Variants in CACNA1C observed in about 807,000 individuals in gnomAD.
CACNA1C encodes the protein voltage-dependent L-type calcium channel subunit alpha-1C.
CACNA1C carries 30 observed loss-of-function variants against 229.0 expected under a neutral mutation model. The ratio of observed to expected loss-of-function variants is 0.13; its 90% CI spans 0.10 to 0.18. The LOEUF (loss-of-function observed/expected upper bound fraction) is 0.18, where lower values mean the gene tolerates loss of function less well. Among genes scored for constraint, CACNA1C ranks in the 10% least tolerant of loss-of-function variants. The probability of loss-of-function intolerance (pLI) is 1.00; values close to 1 mark genes in which losing one functional copy is unlikely to be tolerated. For missense variants in CACNA1C, 1,658 were observed against 2,845.0 expected (o/e 0.58, Z 9.49); for synonymous variants, 1,114 against 1,132.5 (o/e 0.98, Z 0.33).
At chr12:2,667,285 C>CCATGGCCACTCCGT (rs1569148808) in intron 37 of CACNA1C, among the ~76,000 whole-genome samples, 4 of 127,430 alleles carry the variant, frequency 3.1e-5, no homozygotes, top group African/African-American at 1.5e-4. Flanking sequence ...GGCCACTCCA[C>CCATGGCCACTCCGT]GCTCCTTTTC....
rs2067955691 is a variant in CACNA1C at position 2,595,903 on chromosome 12, A to G, written c.2693A>G (p.Asn898Ser). 6.2e-7 allele frequency: 1 copy of G among 1,613,634 alleles called. No homozygotes were observed. The highest frequency in any genetic ancestry group is 8.5e-7 in the Non-Finnish European group (1 of 1,179,794). ...RFRLQCHRIV[N>S]DTIFTNLILF... ...CGCCTCCAGTGCCACCGCATTGTCA[A>G]TGACACGATCTTCACCAACCTGATC... Residue 898 changes from asparagine to serine, a missense_variant, in exon 20 of 47, where the codon AAT becomes AGT. Around this residue, in one of 20 missense-constraint regions of CACNA1C, gnomAD observed 52 missense variants for 99.0 expected, o/e 0.53. Transcript: ENST00000399655. The surrounding 1 kb of genome is among the most constrained non-coding windows in gnomAD (Gnocchi z 4.1).
At chr12:2,401,001 C>T (rs1334001892) in intron 3 of CACNA1C, among the ~76,000 whole-genome samples, 1 of 152,194 alleles carries the variant, frequency 6.6e-6, no homozygotes, top group Non-Finnish European at 1.5e-5. Context: ...CCCCTTCTCC[C>T]CACTGCCCTC....
At chr12:2,446,318 G>A (rs776066392) in intron 3 of CACNA1C, among the ~76,000 whole-genome samples, 4 of 148,560 alleles carry the variant, frequency 2.7e-5, no homozygotes, top group Non-Finnish European at 3.0e-5. Flanking sequence ...TGTATAGATG[G>A]GTGGTTGGAT....
chr12:2,249,234 C>G lies in CACNA1C; in HGVS notation c.477+128804C>G, dbSNP rs190484450. On this transcript the variant is annotated intron_variant, in intron 3 of 46. Coordinates refer to ENST00000399655, the MANE Select transcript of CACNA1C (RefSeq NM_000719.7). The stretch of plus-strand genomic sequence containing the variant: ...TGAGTATGAAGTGACGTATACTTCA[C>G]TGGGTCATGGTGAGGGGAAGTATGC... Among the ~76,000 whole-genome samples, 42 of 152,286 alleles carry G rather than the reference C, an allele frequency of 2.8e-4. No homozygotes were observed. The South Asian group carries it at 3.1e-3, about 11-fold the overall frequency.
chr12:2,066,056 T>C (rs1231767640), intron 1 of CACNA1C, among the ~76,000 whole-genome samples: 2 of 151,950 alleles, frequency 1.3e-5, no homozygotes, highest in Admixed American at 1.3e-4. Flanking sequence ...GGCAGCAGGC[T>C]AGAGGATAAG....
At chr12:2,593,837 T>G (rs2066722246) in intron 19 of CACNA1C, among the ~76,000 whole-genome samples, 3 of 152,238 alleles carry the variant, frequency 2.0e-5, no homozygotes, top group African/African-American at 7.2e-5. Context: ...CACCATTTTT[T>G]TACTCATTTC....
In CACNA1C at chr12:2,647,655, G is replaced by A. The variant is rs1469791974; in HGVS notation, c.3913-820G>A. 1.3e-5 allele frequency among the ~76,000 whole-genome samples: 2 copies of A among 152,176 alleles called. No individual in the cohort carries two copies. The highest frequency in any genetic ancestry group is 4.8e-5 in the African/African-American group (2 of 41,446). On this transcript the variant is annotated intron_variant, in intron 30 of 46. Transcript: ENST00000399655. This position sits in a 1 kb window ranked among gnomAD's most constrained non-coding sequence, Gnocchi z 4.2. ...TGGAGGCCCTCCTCAGTGTTGACTT[G>A]AAGTCGGTCTCCCCTAAACCTGAGA...
At chr12:2,455,778 T>C (rs934106329) in intron 4 of CACNA1C, among the ~76,000 whole-genome samples, 4 of 152,206 alleles carry the variant, frequency 2.6e-5, no homozygotes, top group African/African-American at 9.6e-5. Context: ...GCCTGTTCAC[T>C]GACCGCTCTC....
intron 3 of CACNA1C, among the ~76,000 whole-genome samples, chr12:2,301,547 A>G (rs1213259965): frequency 6.6e-6 from 1 of 152,154 alleles, no homozygotes; most frequent in Non-Finnish European, 1.5e-5. Flanking sequence ...GAGAGTCACA[A>G]AGACGCTCAT....
intron 3 of CACNA1C, among the ~76,000 whole-genome samples, chr12:2,204,761 G>A (rs1354798707): frequency 7.8e-6 from 1 of 127,930 alleles, no homozygotes; most frequent in Non-Finnish European, 1.7e-5. Context: ...CATGGACACA[G>A]GAAGGGGAAT....
At chr12:2,318,936 G>A (rs1021644363) in intron 3 of CACNA1C, among the ~76,000 whole-genome samples, 2 of 150,792 alleles carry the variant, frequency 1.3e-5, no homozygotes, top group African/African-American at 2.5e-5. Context: ...AGGGAAGGAA[G>A]GAAGGCAGGC....
chr12:2,204,612 C>T (rs993066937), intron 3 of CACNA1C, among the ~76,000 whole-genome samples: 3 of 151,164 alleles, frequency 2.0e-5, no homozygotes, highest in African/African-American at 7.3e-5. Context: ...ACTATGCAGC[C>T]ATAAAAAATG....
intron 38 of CACNA1C, among the ~76,000 whole-genome samples, chr12:2,673,221 A>G (rs1009519850): frequency 1.3e-5 from 2 of 151,882 alleles, no homozygotes; most frequent in African/African-American, 4.8e-5. Flanking sequence ...CACACATGTA[A>G]TCCCAGCACT....
intron 3 of CACNA1C, among the ~76,000 whole-genome samples, chr12:2,174,229 A>T (rs1450799010): frequency 6.6e-6 from 1 of 152,078 alleles, no homozygotes; most frequent in East Asian, 1.9e-4. Flanking sequence ...TCTAGACATC[A>T]CCAGTGCCTG....
intron 1 of CACNA1C, among the ~76,000 whole-genome samples, chr12:2,005,944 TC>T (rs1430299380): frequency 6.6e-6 from 1 of 152,248 alleles, no homozygotes; most frequent in Non-Finnish European, 1.5e-5. Flanking sequence ...TATTAAAATA[TC>T]CATCTCTTTT....
intron 1 of CACNA1C, among the ~76,000 whole-genome samples, chr12:2,045,006 G>A (rs567025784): frequency 6.1e-4 from 93 of 152,326 alleles, no homozygotes; most frequent in Non-Finnish European, 8.5e-4. Flanking sequence ...GGGTGAGAGG[G>A]AGAAGAACCA....
At chr12:1,981,060 A>T (rs1459316712) in intron 1 of CACNA1C, among the ~76,000 whole-genome samples, 1 of 152,218 alleles carries the variant, frequency 6.6e-6, no homozygotes, top group Non-Finnish European at 1.5e-5. Flanking sequence ...CCCACATTAC[A>T]TATCTCTTCC....
At chr12:2,321,597 G>A (rs1299205611) in intron 3 of CACNA1C, among the ~76,000 whole-genome samples, 2 of 152,132 alleles carry the variant, frequency 1.3e-5, no homozygotes, top group African/African-American at 4.8e-5. Flanking sequence ...CATGTGTGTG[G>A]GGAGAACAAA....
chr12:2,297,604 C>T (rs2094170427), intron 3 of CACNA1C, among the ~76,000 whole-genome samples: 1 of 152,198 alleles, frequency 6.6e-6, no homozygotes, highest in South Asian at 2.1e-4. Flanking sequence ...TGCTGAGCCC[C>T]ACAGCATGGC....
Sources: gnomAD v4.1 joint callset for allele counts (sites outside exome capture counted in the v4.1 genomes callset) on GRCh38, gnomAD v4.1.1 for gene constraint, gnomAD v4.1.1 regional missense constraint, Gnocchi (gnomAD v3.1) non-coding constraint, MANE v1.5 for transcripts, NCBI Gene and HGNC (gene_info 2026-07-23, HGNC 2026-07-21) for gene names.